Variants in UGT1A10 observed in about 807,000 individuals in gnomAD.
UGT1A10 encodes the protein UDP glucuronosyltransferase family 1 member A10.
Under a neutral mutation model 45.8 loss-of-function variants are expected in UGT1A10, and 49 were observed. The observed-to-expected ratio is 1.07, with a 90% CI of 0.85 to 1.36. UGT1A10 has a LOEUF of 1.36. Ranked by LOEUF, UGT1A10 falls within the 40% of genes most tolerant of loss-of-function variation. The probability of loss-of-function intolerance (pLI) is 0.00; values close to 1 mark genes in which losing one functional copy is unlikely to be tolerated. For synonymous variants in UGT1A10, 284 were observed against 249.7 expected, an observed-to-expected ratio of 1.14 and a Z score of -1.29; for missense variants, 745 against 668.6, an observed-to-expected ratio of 1.11 and a Z score of -1.26.
chr2:233,708,606 C>G (rs1434910619), intron 1 of UGT1A10: 1 of 152,132 alleles, frequency 6.6e-6, no homozygotes, highest in African/African-American at 2.4e-5. Context: ...AAAAACCTAG[C>G]TGGACATGGT....
At chr2:233,699,301 G>A (rs1359484786) in intron 1 of UGT1A10, among the ~76,000 whole-genome samples, 1 of 152,060 alleles carries the variant, frequency 6.6e-6, no homozygotes, top group African/African-American at 2.4e-5. Flanking sequence ...ACACTCTTAT[G>A]CTGTCCTTTT....
intron 1 of UGT1A10, among the ~76,000 whole-genome samples, chr2:233,689,520 G>A (rs1016831766): frequency 2.6e-5 from 4 of 152,228 alleles, no homozygotes; most frequent in African/African-American, 9.6e-5. Context: ...CATTGGTTTG[G>A]TCATGAGAAG....
chr2:233,749,426 C>T (rs1034149432), intron 1 of UGT1A10, among the ~76,000 whole-genome samples: 2 of 151,878 alleles, frequency 1.3e-5, no homozygotes, highest in African/African-American at 4.9e-5. Flanking sequence ...TTGCTCAAAA[C>T]TTCACTGTCA....
At chr2:233,728,731 TG>T (rs1354171084) in intron 1 of UGT1A10, among the ~76,000 whole-genome samples, 1 of 152,164 alleles carries the variant, frequency 6.6e-6, no homozygotes, top group Non-Finnish European at 1.5e-5. Flanking sequence ...AGCATATGAC[TG>T]GGGGCTAGGG....
intron 1 of UGT1A10, chr2:233,752,610 TTAGC>T (rs1306337132): frequency 1.3e-5 from 2 of 152,180 alleles, no homozygotes; most frequent in Non-Finnish European, 2.9e-5. Flanking sequence ...TAAAAAAACA[TTAGC>T]TAGGTGTGGT....
At chr2:233,753,747 C>G (rs1162212818) in intron 1 of UGT1A10, 1 of 152,226 alleles carries the variant, frequency 6.6e-6, no homozygotes, top group Non-Finnish European at 1.5e-5. Context: ...AGCAATAGGA[C>G]AGTTTTGCGT....
chr2:233,691,032 C>A (rs2075025679), intron 1 of UGT1A10: 1 of 990,630 alleles, frequency 1.0e-6, no homozygotes, highest in Non-Finnish European at 1.2e-6. Flanking sequence ...AGGGCTCAGA[C>A]CAACGTCCAC....
Position 233,637,053 on chromosome 2 carries a change from T to G in UGT1A10, c.531T>G (p.Leu177=). ...CCAGGGGAATATTTTGCCACCATCT[T>G]GAAGAAGGTGCACAGTGCCCTGCTC... ...VFTRGIFCHH[L]EEGAQCPAPL... is the part of the protein sequence containing the mutation. Residue 177 remains leucine (L), a synonymous_variant, in exon 1 of 5, where the codon CTT becomes CTG. Transcript: ENST00000344644. The G allele has an allele frequency of 6.2e-7, 1 of 1,614,018 alleles. No homozygotes were observed. The highest frequency in any genetic ancestry group is 1.7e-5 in the Admixed American group (1 of 60,016).
chr2:233,749,412 T>C lies in UGT1A10; in HGVS notation c.856-17622T>C, dbSNP rs1409999979. 3.9e-5 allele frequency among the ~76,000 whole-genome samples: 6 copies of C among 151,952 alleles called. No individual in the cohort carries two copies. The East Asian group carries it at 1.2e-3, about 29-fold the overall frequency. On this transcript the variant is annotated intron_variant, in intron 1 of 4. Transcript: ENST00000344644. ...TGTGAACATATTCTCTAGTGTTAACTACATTGCTCAAAACTTCACTGTCAT... is the reference window on the plus strand; with the variant it reads ...TGTGAACATATTCTCTAGTGTTAACCACATTGCTCAAAACTTCACTGTCAT...
chr2:233,724,460 G>T (rs551187141), intron 1 of UGT1A10, among the ~76,000 whole-genome samples: 1 of 114,598 alleles, frequency 8.7e-6, no homozygotes, highest in Non-Finnish European at 1.8e-5. Flanking sequence ...GCTGCCGGGC[G>T]GAGGGGCTCC....
intron 1 of UGT1A10, chr2:233,747,346 G>C (rs1006096980): frequency 6.2e-7 from 1 of 1,603,162 alleles, no homozygotes; most frequent in East Asian, 2.2e-5. Context: ...GCTCGCATGC[G>C]GGAGGCCGTG....
chr2:233,773,036 G>A lies in UGT1A10; in HGVS notation c.*477G>A. ...TGCCACCTTGTGTGTTTAAAGAAGG[G>A]AAGCTTTGTACCTTTAGAGTGTAGG... On this transcript the variant is annotated 3_prime_UTR_variant, in exon 5 of 5. Coordinates refer to ENST00000344644, the MANE Select transcript of UGT1A10 (RefSeq NM_019075.4). 1 of 196,980 alleles carries A rather than the reference G, an allele frequency of 5.1e-6. No individual in the cohort carries two copies. Among genetic ancestry groups the A allele is most frequent in the South Asian group, 9.8e-5 (1 of 10,240 alleles). The allele number at this position is 196,980 out of a possible 1,614,324, so 12.2% of individuals were successfully genotyped here. A position where few individuals can be genotyped will look rare whatever the true frequency, so the allele number is the denominator to read the frequency against.
At chr2:233,686,183 G>A (rs1241973137) in intron 1 of UGT1A10, among the ~76,000 whole-genome samples, 1 of 151,422 alleles carries the variant, frequency 6.6e-6, no homozygotes, top group East Asian at 1.9e-4. Context: ...ATCTAAAACT[G>A]TAAAACTCTT....
At chr2:233,713,877 A>G in intron 1 of UGT1A10, 2 of 1,613,698 alleles carry the variant, frequency 1.2e-6, no homozygotes, top group Non-Finnish European at 1.7e-6. Flanking sequence ...TGGTGCCTTT[A>G]TCCAATCAAT....
rs1237852209 is a variant in UGT1A10, at chr2:233,636,482, A to C, written c.-41A>C. The stretch of plus-strand genomic sequence containing the variant: ...CTTCTTCCGCCTACTGTATCATAGC[A>C]GCTTAGAATCCCAGCTGCTGGCTCG... On this transcript the variant is annotated 5_prime_UTR_variant, in exon 1 of 5. Transcript: ENST00000344644. 6.3e-7 allele frequency: 1 copy of C among 1,587,146 alleles called. No individual in the cohort carries two copies. Among genetic ancestry groups the C allele is most frequent in the Non-Finnish European group, 8.6e-7 (1 of 1,165,354 alleles).
intron 1 of UGT1A10, chr2:233,719,474 G>C: frequency 6.2e-7 from 1 of 1,613,940 alleles, no homozygotes. Context: ...TCTACCCTCT[G>C]GCCCTGTCCT....
chr2:233,758,139 G>T (rs553073565), intron 1 of UGT1A10, among the ~76,000 whole-genome samples: 1 of 152,336 alleles, frequency 6.6e-6, no homozygotes, highest in East Asian at 1.9e-4. Flanking sequence ...TGGCAGATGA[G>T]GGAATTAGCA....
chr2:233,701,652 C>T (rs1426391731), intron 1 of UGT1A10, among the ~76,000 whole-genome samples: 1 of 152,198 alleles, frequency 6.6e-6, no homozygotes. Flanking sequence ...GTCTCTCAGA[C>T]CACAGTGCAA....
intron 1 of UGT1A10, among the ~76,000 whole-genome samples, chr2:233,764,685 G>C (rs1320206547): frequency 6.6e-6 from 1 of 152,148 alleles, no homozygotes; most frequent in Non-Finnish European, 1.5e-5. Context: ...AGAACTTGAA[G>C]AGCACTTGGA....
Sources: gnomAD v4.1 joint callset for allele counts (sites outside exome capture counted in the v4.1 genomes callset) on GRCh38, gnomAD v4.1.1 for gene constraint, MANE v1.5 for transcripts, NCBI Gene and HGNC (gene_info 2026-07-23, HGNC 2026-07-21) for gene names.